SPART: variants seen among roughly 807,000 people sequenced by gnomAD.
SPART encodes spartin, also known as spastic paraplegia 20 (Troyer syndrome).
In SPART, 35 loss-of-function variants were observed where a neutral mutation model predicts 58.7. That is an observed-to-expected ratio of 0.60 (90% CI 0.46 to 0.79). The LOEUF is 0.79. Among genes scored for constraint, SPART ranks in the 30% least tolerant of loss-of-function variants. The pLI is 0.00. For synonymous variants in SPART, 284 were observed against 280.7 expected, an observed-to-expected ratio of 1.01 and a Z score of -0.12; for missense variants, 730 against 786.1, an observed-to-expected ratio of 0.93 and a Z score of 0.85.
intron 4 of SPART, 58 bp downstream of exon 4, chr13:36,329,304 A>G (rs1253229610): frequency 6.3e-7 from 1 of 1,588,378 alleles, no homozygotes; most frequent in Non-Finnish European, 8.6e-7. Flanking sequence ...TAAATACATG[A>G]AACTGGAGAA....
chr13:36,333,813 A>T (rs1325269894), intron 2 of SPART, among the ~76,000 whole-genome samples: 1 of 152,046 alleles, frequency 6.6e-6, no homozygotes, highest in Non-Finnish European at 1.5e-5. Context: ...GCCACTACAA[A>T]CCCCAATCAA....
At chr13:36,325,994 G>A (rs1882892264) in intron 5 of SPART, 1 of 152,676 alleles carries the variant, frequency 6.5e-6, no homozygotes, top group Non-Finnish European at 1.5e-5. Flanking sequence ...TGGTACATTT[G>A]GTCTCTGGTG....
At chr13:36,343,816 T>G (rs966065058) in intron 1 of SPART, among the ~76,000 whole-genome samples, 2 of 152,172 alleles carry the variant, frequency 1.3e-5, no homozygotes, top group African/African-American at 4.8e-5. Context: ...TTGAGCAGCT[T>G]GCCCAAGAAG....
intron 6 of SPART, among the ~76,000 whole-genome samples, chr13:36,312,964 T>A (rs1396677781): frequency 6.6e-6 from 1 of 151,962 alleles, no homozygotes; most frequent in Admixed American, 6.6e-5. Flanking sequence ...GTTATCTCGG[T>A]GAATAAAAGT....
chr13:36,358,547 A>C (rs1885712976), intron 1 of SPART, among the ~76,000 whole-genome samples: 1 of 152,252 alleles, frequency 6.6e-6, no homozygotes, highest in African/African-American at 2.4e-5. Context: ...TCAGGACACA[A>C]GTAGGTCTTG....
intron 6 of SPART, 103 bp downstream of exon 6, chr13:36,314,124 T>C: frequency 1.7e-6 from 2 of 1,184,900 alleles, no homozygotes; most frequent in East Asian, 2.5e-5. Context: ...TAATTCTTTA[T>C]TCTTGAGATT....
At chr13:36,319,244 T>C (rs548074959) in intron 5 of SPART, among the ~76,000 whole-genome samples, 6 of 151,638 alleles carry the variant, frequency 4.0e-5, no homozygotes, top group African/African-American at 1.4e-4. Flanking sequence ...TCCCTGACTA[T>C]TCCTGGACTA....
chr13:36,312,517 A>T (rs760135867), intron 6 of SPART, 40 bp from the exon 7 acceptor site: 3 of 1,592,148 alleles, frequency 1.9e-6, no homozygotes, highest in Non-Finnish European at 2.6e-6. Flanking sequence ...GGAAAAATAT[A>T]TTATTCCCTT....
chr13:36,305,697 T>TA (rs1305794260), intron 8 of SPART, among the ~76,000 whole-genome samples: 1 of 152,200 alleles, frequency 6.6e-6, no homozygotes, highest in Non-Finnish European at 1.5e-5. Context: ...TGAGGTCCTA[T>TA]ACAGGCACAC....
At chr13:36,325,769 G>C (rs1882866081) in intron 5 of SPART, among the ~76,000 whole-genome samples, 1 of 152,114 alleles carries the variant, frequency 6.6e-6, no homozygotes, top group Non-Finnish European at 1.5e-5. Flanking sequence ...CAAAGAGCTT[G>C]GCTATAACCC....
At chr13:36,306,658 C>T (rs142835298) in intron 8 of SPART, among the ~76,000 whole-genome samples, 25 of 152,192 alleles carry the variant, frequency 1.6e-4, no homozygotes, top group African/African-American at 5.8e-4. Flanking sequence ...TCTTTAATAA[C>T]GTACTAAAAA....
In SPART at chr13:36,367,327, G is replaced by T. The variant is rs572434359; in HGVS notation, c.-3+2762C>A. Among the ~76,000 whole-genome samples the T allele has an allele frequency of 2.6e-4, 40 of 152,144 alleles. 1 individual carries two copies. Among genetic ancestry groups the T allele is most frequent in the African/African-American group, 9.4e-4 (39 of 41,518 alleles). On this transcript the variant is annotated intron_variant, in intron 1 of 8. Coordinates refer to the SPART transcript ENST00000355182. ...ATCCCCACATGTGTAGAAAATCATG[G>T]CACCCTGCACTTGCATATTAAAAGG...
chr13:36,356,268 C>T (rs1041608530), intron 1 of SPART, among the ~76,000 whole-genome samples: 2 of 152,300 alleles, frequency 1.3e-5, no homozygotes, highest in East Asian at 1.9e-4. Flanking sequence ...TGGTCGAGGC[C>T]GTGCTTTACA....
rs999270781 is a variant in SPART at position 36,301,665 on chromosome 13, A to G, written c.*2700T>C. Reference sequence around the variant, plus strand: ...AAAATTATGAGATACTTTTTTATATATGCTACATTAACAATAAAAACATTG... The same window carrying G: ...AAAATTATGAGATACTTTTTTATATGTGCTACATTAACAATAAAAACATTG... On this transcript the variant is annotated 3_prime_UTR_variant, in exon 9 of 9. Transcript: ENST00000438666. 2.6e-5 allele frequency: 4 copies of G among 152,196 alleles called. No individual in the cohort carries two copies. The highest frequency in any genetic ancestry group is 9.6e-5 in the African/African-American group (4 of 41,452). The allele number at this position is 152,196 out of a possible 1,614,324, so 9.4% of individuals were successfully genotyped here.
intron 1 of SPART, among the ~76,000 whole-genome samples, chr13:36,361,782 C>T (rs1364509903): frequency 1.2e-4 from 18 of 152,192 alleles, no homozygotes; most frequent in Admixed American, 1.2e-3. Context: ...CTACTATTTA[C>T]ATTTTTAATT....
chr13:36,309,392 C>T (rs1880856634), intron 8 of SPART, among the ~76,000 whole-genome samples: 1 of 152,036 alleles, frequency 6.6e-6, no homozygotes, highest in African/African-American at 2.4e-5. Flanking sequence ...ATTTGATACC[C>T]AAAAGAAAAT....
chr13:36,325,859 T>C (rs1249842193), intron 5 of SPART: 2 of 152,338 alleles, frequency 1.3e-5, no homozygotes, highest in African/African-American at 4.8e-5. Flanking sequence ...CATGGTCTCA[T>C]TTTTTGGGTG....
upstream of SPART, among the ~76,000 whole-genome samples, chr13:36,347,006 T>C (rs1009706658): frequency 6.6e-6 from 1 of 152,184 alleles, no homozygotes; most frequent in Non-Finnish European, 1.5e-5. Context: ...AAAGTCTATA[T>C]CACTATCATA....
intron 4 of SPART, among the ~76,000 whole-genome samples, chr13:36,328,184 A>ATAT (rs778994572): frequency 2.6e-5 from 4 of 152,218 alleles, no homozygotes; most frequent in Non-Finnish European, 5.9e-5. Flanking sequence ...CAGTATCCTC[A>ATAT]TATAGCTGGT....
Sources: allele counts gnomAD v4.1 joint callset (sites outside exome capture counted in the v4.1 genomes callset), GRCh38; gene constraint gnomAD v4.1.1; transcripts MANE v1.5; gene names NCBI Gene and HGNC (gene_info 2026-07-23, HGNC 2026-07-21).